GPR141: variants seen among roughly 807,000 people sequenced by gnomAD.
The protein encoded by GPR141 is G protein-coupled receptor 141.
Under a neutral mutation model 6.8 loss-of-function variants are expected in GPR141, and 6 were observed. That is an observed-to-expected ratio of 0.88 (90% confidence interval 0.48 to 1.74). The LOEUF (loss-of-function observed/expected upper bound fraction) is 1.74. GPR141 is among the 40% of genes most tolerant of loss of function. The pLI, the probability that GPR141 is intolerant of heterozygous loss-of-function variation, is 0.01. For missense variants in GPR141, 372 were observed against 372.9 expected, an observed-to-expected ratio of 1.00 and a Z score of 0.02; for synonymous variants, 140 against 142.3, an observed-to-expected ratio of 0.98 and a Z score of 0.11.
intron 2 of GPR141, among the ~76,000 whole-genome samples, chr7:37,728,213 A>G (rs1288488713): frequency 6.6e-6 from 1 of 152,208 alleles, no homozygotes; most frequent in Non-Finnish European, 1.5e-5. Context: ...AGCATTTTTC[A>G]CGTACCCATA....
intron 2 of GPR141, among the ~76,000 whole-genome samples, chr7:37,704,594 G>C (rs1243203647): frequency 6.6e-6 from 1 of 152,080 alleles, no homozygotes; most frequent in Non-Finnish European, 1.5e-5. Flanking sequence ...GGGATTGTAG[G>C]GATTACAGTT....
chr7:37,698,254 A>T (rs1387121383), intron 2 of GPR141, among the ~76,000 whole-genome samples: 2 of 152,246 alleles, frequency 1.3e-5, no homozygotes, highest in African/African-American at 4.8e-5. Flanking sequence ...AATTGTGAGG[A>T]TCAAAAGTAA....
At chr7:37,708,183 TGAG>T (rs1388883273) in intron 2 of GPR141, among the ~76,000 whole-genome samples, 1 of 151,988 alleles carries the variant, frequency 6.6e-6, no homozygotes. Context: ...TGAAGCATGA[TGAG>T]GACATGTGGT....
intron 2 of GPR141, among the ~76,000 whole-genome samples, chr7:37,698,282 C>T (rs533864569): frequency 6.6e-6 from 1 of 152,266 alleles, no homozygotes; most frequent in Non-Finnish European, 1.5e-5. Context: ...TGAAAAATGC[C>T]TAGGACAGAG....
chr7:37,686,234 TCAAG>T (rs1271658233), intron 2 of GPR141, among the ~76,000 whole-genome samples: 1 of 149,024 alleles, frequency 6.7e-6, no homozygotes, highest in Non-Finnish European at 1.5e-5. Flanking sequence ...ATCCCTGGGC[TCAAG>T]CAGTCTTCCT....
chr7:37,741,159 A>G lies in GPR141; in HGVS notation c.766A>G (p.Asn256Asp). The G allele has an allele frequency of 1.2e-6, 2 of 1,614,082 alleles. No individual in the cohort carries two copies. The highest frequency in any genetic ancestry group is 2.2e-5 in the South Asian group (2 of 91,082). Residue 256 changes from asparagine (N) to aspartate (D), a missense_variant, in exon 3 of 3, where the codon AAT (asparagine) becomes GAT (aspartate). Coordinates refer to ENST00000334425, the MANE Select transcript of GPR141 (RefSeq NM_001381946.1). ...TTACTTGAATGTTGTGACGCATTCC[A>G]ATGCCTGTAACAGCAAGGTTGCATT... ...IYYLNVVTHS[N>D]ACNSKVAFYN...
chr7:37,698,632 T>C (rs1810135429), intron 2 of GPR141, among the ~76,000 whole-genome samples: 2 of 152,210 alleles, frequency 1.3e-5, no homozygotes. Context: ...TGTCAGTCAC[T>C]AATTTTAACC....
At chr7:37,739,258 GA>G (rs1310950457) in intron 2 of GPR141, among the ~76,000 whole-genome samples, 1 of 152,194 alleles carries the variant, frequency 6.6e-6, no homozygotes, top group African/African-American at 2.4e-5. Flanking sequence ...AAAGGTCAGG[GA>G]GTGAGTTCTT....
chr7:37,740,692 A>G lies in GPR141; in HGVS notation c.299A>G (p.Tyr100Cys). ...AGTGCCATGCTGCACATCCACATGT[A>G]CCTCACGTTCCTATTCTATGTGGTG... ...FVSAMLHIHMYLTFLFYVVIL... is the reference protein window; with the variant it reads ...FVSAMLHIHMCLTFLFYVVIL... Residue 100 changes from tyrosine to cysteine, a missense_variant, in exon 3 of 3, where the codon TAC (tyrosine) becomes TGC (cysteine). Tyr to Cys is a radical substitution (Grantham distance 194). Coordinates refer to ENST00000334425, the MANE Select transcript of GPR141 (RefSeq NM_001381946.1). 1 of 1,614,034 alleles carries G rather than the reference A, an allele frequency of 6.2e-7. No homozygotes were observed.
intron 2 of GPR141, among the ~76,000 whole-genome samples, chr7:37,718,555 G>A (rs1045705808): frequency 2.0e-4 from 30 of 150,422 alleles, no homozygotes; most frequent in African/African-American, 3.2e-4. Flanking sequence ...AAGGAAGGAA[G>A]GAAAGAAAGA....
At chr7:37,707,718 G>A (rs535798412) in intron 2 of GPR141, among the ~76,000 whole-genome samples, 2 of 152,136 alleles carry the variant, frequency 1.3e-5, no homozygotes, top group Admixed American at 1.3e-4. Context: ...TAGAGCCAAC[G>A]CTTATAGTCA....
intron 2 of GPR141, among the ~76,000 whole-genome samples, chr7:37,700,316 C>T (rs987125125): frequency 4.6e-5 from 7 of 152,106 alleles, no homozygotes; most frequent in Admixed American, 1.3e-4. Context: ...CAATTCAGTA[C>T]CATAGTGTTG....
At chr7:37,699,902 T>C (rs1410986175) in intron 2 of GPR141, among the ~76,000 whole-genome samples, 1 of 152,254 alleles carries the variant, frequency 6.6e-6, no homozygotes, top group Admixed American at 6.5e-5. Flanking sequence ...ATTTGCTTTT[T>C]CCATCTGTAT....
rs1032909436 is a variant in GPR141, at chr7:37,740,406, A to G, written c.13A>G (p.Asn5Asp). 6.3e-7 allele frequency: 1 copy of G among 1,597,824 alleles called. No individual in the cohort carries two copies. Residue 5 changes from asparagine to aspartate, a missense_variant, in exon 3 of 3, where the codon AAT becomes GAT. By Grantham distance (23) the Asn-to-Asp change is conservative (BLOSUM62 1). Transcript: ENST00000334425. The part of the protein sequence containing the change: MPGH[N>D]TSRNSSCDPI... ...TGACTTCCCAAGTATGCCTGGCCAC[A>G]ATACCTCCAGGAATTCCTCTTGCGA...
intron 2 of GPR141, among the ~76,000 whole-genome samples, chr7:37,690,348 C>G (rs957365280): frequency 6.6e-6 from 1 of 152,130 alleles, no homozygotes; most frequent in Non-Finnish European, 1.5e-5. Flanking sequence ...AGATCCCTCA[C>G]GGCTTGGTGC....
At chr7:37,712,529 C>G (rs1375508894) in intron 2 of GPR141, among the ~76,000 whole-genome samples, 1 of 152,216 alleles carries the variant, frequency 6.6e-6, no homozygotes, top group Non-Finnish European at 1.5e-5. Flanking sequence ...ACCTGCCCCT[C>G]TGTTTCTCCA....
chr7:37,690,893 C>T (rs1349358028), intron 2 of GPR141, among the ~76,000 whole-genome samples: 1 of 152,104 alleles, frequency 6.6e-6, no homozygotes, highest in Non-Finnish European at 1.5e-5. Context: ...TATCATTTGG[C>T]CATGCTGAGA....
chr7:37,728,573 C>T (rs576867615), intron 2 of GPR141, among the ~76,000 whole-genome samples: 1 of 152,136 alleles, frequency 6.6e-6, no homozygotes, highest in Non-Finnish European at 1.5e-5. Flanking sequence ...AAAACAGCCA[C>T]AGAAACCACT....
At chr7:37,696,592 A>G (rs555214929) in intron 2 of GPR141, among the ~76,000 whole-genome samples, 7 of 151,666 alleles carry the variant, frequency 4.6e-5, no homozygotes, top group Non-Finnish European at 7.4e-5. Context: ...ATGTGCACAT[A>G]TGGAATTGTT....
Sources: allele counts gnomAD v4.1 joint callset (sites outside exome capture counted in the v4.1 genomes callset), GRCh38; gene constraint gnomAD v4.1.1; transcripts MANE v1.5; gene names NCBI Gene and HGNC (gene_info 2026-07-23, HGNC 2026-07-21).